Variants in EGFR observed in about 807,000 individuals in gnomAD.
The protein encoded by EGFR is epidermal growth factor receptor.
A neutral mutation model predicts 143.0 loss-of-function variants in EGFR; 58 were observed. That is an observed-to-expected ratio of 0.41 (90% CI 0.33 to 0.50). EGFR has a LOEUF of 0.50. Among genes scored for constraint, EGFR ranks in the 20% least tolerant of loss-of-function variants. The pLI is 0.39. For synonymous variants in EGFR, 613 were observed against 594.4 expected, an observed-to-expected ratio of 1.03 and a Z score of -0.45; for missense variants, 1,307 against 1,579.0, an observed-to-expected ratio of 0.83 and a Z score of 2.92.
intron 1 of EGFR, among the ~76,000 whole-genome samples, chr7:55,107,629 C>A (rs1223549285): frequency 6.6e-6 from 1 of 152,236 alleles, no homozygotes. Context: ...GCAGAGAATG[C>A]TGCAGATCAC....
intron 1 of EGFR, among the ~76,000 whole-genome samples, chr7:55,027,736 C>T (rs949154877): frequency 1.2e-4 from 18 of 152,018 alleles, no homozygotes; most frequent in Admixed American, 6.6e-5. Context: ...AAAGTTTGCA[C>T]AGTTCTAGAC....
intron 1 of EGFR, among the ~76,000 whole-genome samples, chr7:55,136,727 T>C (rs1268719654): frequency 6.6e-6 from 1 of 152,246 alleles, no homozygotes; most frequent in African/African-American, 2.4e-5. Flanking sequence ...AGTTGATGTC[T>C]GATATGTTAC....
At chr7:55,020,404 G>A (rs1317796457) in intron 1 of EGFR, among the ~76,000 whole-genome samples, 1 of 152,256 alleles carries the variant, frequency 6.6e-6, no homozygotes, top group Non-Finnish European at 1.5e-5. Context: ...CTCTTGAGCG[G>A]AAGCCCCGGA....
chr7:55,198,903 C>T (rs1339166977), intron 23 of EGFR, 40 bp downstream of exon 23: 3 of 1,612,652 alleles, frequency 1.9e-6, no homozygotes, highest in Non-Finnish European at 2.5e-6. Context: ...CCTAGCTGAG[C>T]CTTGGTGGCT....
rs1786867397 is a variant in EGFR, at chr7:55,181,386, A to G, written c.2377A>G (p.Met793Val). The change falls in exon 20 of 28, where the codon ATG becomes GTG. Residue 793 changes from methionine (M) to valine (V), a missense_variant. Physicochemically the swap from Met to Val is conservative, Grantham distance 21. Transcript: ENST00000275493. ...TSTVQLITQL[M>V]PFGCLLDYVR... The stretch of plus-strand genomic sequence containing the variant: ...CACCGTGCAGCTCATCACGCAGCTC[A>G]TGCCCTTCGGCTGCCTCCTGGACTA... 1 of 1,613,310 alleles carries G rather than the reference A, an allele frequency of 6.2e-7. No individual in the cohort carries two copies. The highest frequency in any genetic ancestry group is 8.5e-7 in the Non-Finnish European group (1 of 1,179,332).
chr7:55,132,125 C>T (rs901467389), intron 1 of EGFR, among the ~76,000 whole-genome samples: 1 of 151,134 alleles, frequency 6.6e-6, no homozygotes, highest in Non-Finnish European at 1.5e-5. Flanking sequence ...GGCTTTAAAT[C>T]GCAATTCTGC....
At chr7:55,183,857 A>AG (rs1787005694) in intron 20 of EGFR, among the ~76,000 whole-genome samples, 1 of 152,074 alleles carries the variant, frequency 6.6e-6, no homozygotes, top group Non-Finnish European at 1.5e-5. Flanking sequence ...CGTTCATCAG[A>AG]GGGGGCCAAC....
At chr7:55,023,306 T>C (rs760509289) in intron 1 of EGFR, among the ~76,000 whole-genome samples, 39 of 152,300 alleles carry the variant, frequency 2.6e-4, no homozygotes, top group South Asian at 1.9e-3. Flanking sequence ...TTTCAAAGTT[T>C]TAGAATATGG....
intron 1 of EGFR, among the ~76,000 whole-genome samples, chr7:55,137,236 T>A (rs1431380289): frequency 6.6e-6 from 1 of 152,148 alleles, no homozygotes; most frequent in Non-Finnish European, 1.5e-5. Context: ...AGAGACAACT[T>A]GGAGGCCAAG....
intron 1 of EGFR, among the ~76,000 whole-genome samples, chr7:55,053,872 C>A (rs922124029): frequency 3.3e-5 from 5 of 152,244 alleles, no homozygotes; most frequent in Non-Finnish European, 7.3e-5. Context: ...AAGCTCTTAG[C>A]CAATCTGCTT....
Position 55,114,505 on chromosome 7 carries a change from A to T in EGFR, c.89-27781A>T, listed in dbSNP as rs1170406585. The stretch of plus-strand genomic sequence containing the variant: ...TGTTTCTAAAATAAATAATAAATAA[A>T]TTAAAACATTTAAAAATACATGATG... On this transcript the variant is annotated intron_variant, in intron 1 of 27. Transcript: ENST00000275493. 5.9e-5 allele frequency among the ~76,000 whole-genome samples: 9 copies of T among 152,326 alleles called. No homozygotes were observed. In the South Asian group the frequency reaches 1.9e-3, roughly 32 times the overall value.
chr7:55,069,219 CCTGAAA>C (rs1442263047), intron 1 of EGFR, among the ~76,000 whole-genome samples: 1 of 152,136 alleles, frequency 6.6e-6, no homozygotes, highest in Non-Finnish European at 1.5e-5. Context: ...AATTCATTCT[CCTGAAA>C]CTGCTGTTCA....
At chr7:55,097,971 A>G (rs1791578238) in intron 1 of EGFR, among the ~76,000 whole-genome samples, 2 of 152,190 alleles carry the variant, frequency 1.3e-5, no homozygotes, top group African/African-American at 4.8e-5. Context: ...AAAAGTGTAG[A>G]TGGTTTTATC....
At chr7:55,108,912 G>A (rs1423332869) in intron 1 of EGFR, among the ~76,000 whole-genome samples, 4 of 152,196 alleles carry the variant, frequency 2.6e-5, no homozygotes, top group Non-Finnish European at 4.4e-5. Context: ...CACAGGCTGG[G>A]CAAGTTGCTG....
At chr7:55,203,000 T>C (rs1787921200) in intron 27 of EGFR, 1 of 511,704 alleles carries the variant, frequency 2.0e-6, no homozygotes, top group Non-Finnish European at 3.4e-6. Context: ...CTCTGCTGGC[T>C]CTATCTTGAC....
intron 15 of EGFR, among the ~76,000 whole-genome samples, chr7:55,169,074 G>A (rs147644130): frequency 1.6e-3 from 236 of 152,080 alleles, no homozygotes; most frequent in African/African-American, 5.6e-3. Flanking sequence ...CCCAGACGAG[G>A]GGGAGGAACC....
At chr7:55,188,472 T>G (rs554007231) in intron 20 of EGFR, among the ~76,000 whole-genome samples, 1 of 152,324 alleles carries the variant, frequency 6.6e-6, no homozygotes, top group East Asian at 1.9e-4. Context: ...CAGGCTGGCT[T>G]TTCAAATCCC....
chr7:55,152,316 T>C, intron 5 of EGFR: 1 of 726,646 alleles, frequency 1.4e-6, no homozygotes. Flanking sequence ...TTAGCAGGTC[T>C]CAAAGTCTAG....
At chr7:55,134,537 G>T (rs773210039) in intron 1 of EGFR, among the ~76,000 whole-genome samples, 1 of 152,188 alleles carries the variant, frequency 6.6e-6, no homozygotes, top group Admixed American at 6.5e-5. Context: ...GGTGCTGCCC[G>T]GCACACAGTA....
Sources: allele counts gnomAD v4.1 joint callset (sites outside exome capture counted in the v4.1 genomes callset), GRCh38; gene constraint gnomAD v4.1.1; transcripts MANE v1.5; gene names NCBI Gene and HGNC (gene_info 2026-07-23, HGNC 2026-07-21).